The following LRP1B variants were observed in gnomAD, a reference collection of about 807,000 sequenced individuals.
The protein encoded by LRP1B is low-density lipoprotein receptor-related protein 1B.
A neutral mutation model predicts 556.6 loss-of-function variants in LRP1B; 217 were observed. The ratio of observed to expected loss-of-function variants is 0.39; its 90% CI spans 0.35 to 0.44. The LOEUF is 0.44. Among genes scored for constraint, LRP1B ranks in the 20% least tolerant of loss-of-function variants. The pLI is 1.00. For synonymous variants in LRP1B, 2,047 were observed against 1,865.8 expected, an observed-to-expected ratio of 1.10 and a Z score of -2.50; for missense variants, 5,053 against 5,620.8, an observed-to-expected ratio of 0.90 and a Z score of 3.23.
At chr2:140,600,252 T>C (rs1682600887) in intron 42 of LRP1B, among the ~76,000 whole-genome samples, 1 of 152,100 alleles carries the variant, frequency 6.6e-6, no homozygotes, top group Non-Finnish European at 1.5e-5. Context: ...ATTATTGTCC[T>C]GAGATTCTTC....
chr2:140,875,520 A>C (rs1323540585), intron 25 of LRP1B, among the ~76,000 whole-genome samples: 1 of 152,106 alleles, frequency 6.6e-6, no homozygotes, highest in South Asian at 2.1e-4. Flanking sequence ...GAAGGCCTTC[A>C]CCTCTTTTTT....
At chr2:140,901,166 T>C (rs1034511728) in intron 23 of LRP1B, among the ~76,000 whole-genome samples, 2 of 151,932 alleles carry the variant, frequency 1.3e-5, no homozygotes, top group African/African-American at 4.8e-5. Flanking sequence ...GGGCTCCAAG[T>C]GGGGAAGAAC....
At chr2:140,504,535 G>A (rs1022599627) in intron 53 of LRP1B, among the ~76,000 whole-genome samples, 4 of 152,090 alleles carry the variant, frequency 2.6e-5, no homozygotes, top group Non-Finnish European at 5.9e-5. Flanking sequence ...TTCTGATCTA[G>A]AATTAAATTA....
intron 7 of LRP1B, among the ~76,000 whole-genome samples, chr2:141,125,201 A>G (rs2105009830): frequency 6.6e-6 from 1 of 152,330 alleles, no homozygotes; most frequent in East Asian, 1.9e-4. Context: ...TTTTGAAGAA[A>G]CAGGATTAAA....
intron 1 of LRP1B, among the ~76,000 whole-genome samples, chr2:142,054,138 G>A (rs994611789): frequency 6.6e-6 from 1 of 152,010 alleles, no homozygotes; most frequent in Non-Finnish European, 1.5e-5. Context: ...TGAAATCTAA[G>A]TCATTATTAC....
chr2:142,003,980 A>ACTC (rs1218604676), intron 1 of LRP1B, among the ~76,000 whole-genome samples: 4 of 152,086 alleles, frequency 2.6e-5, no homozygotes, highest in Non-Finnish European at 5.9e-5. Context: ...TGCTACAAAG[A>ACTC]CTCCATGAAA....
intron 2 of LRP1B, among the ~76,000 whole-genome samples, chr2:141,688,330 G>A (rs1691388011): frequency 1.3e-5 from 2 of 151,690 alleles, no homozygotes; most frequent in South Asian, 2.1e-4. Context: ...CCAAACACTG[G>A]TCTAAGTACC....
chr2:140,581,944 G>A (rs995399092), intron 43 of LRP1B, among the ~76,000 whole-genome samples: 89 of 152,102 alleles, frequency 5.9e-4, no homozygotes, highest in Middle Eastern at 3.4e-3. Context: ...TATTGTTTCC[G>A]TGTATCCCCT....
At chr2:140,872,023 T>C (rs1693145398) in intron 25 of LRP1B, among the ~76,000 whole-genome samples, 1 of 150,410 alleles carries the variant, frequency 6.6e-6, no homozygotes, top group South Asian at 2.1e-4. Context: ...TGTGTGTGTG[T>C]GTGTGTTTGT....
chr2:141,591,605 T>C (rs888506597), intron 2 of LRP1B, among the ~76,000 whole-genome samples: 1 of 151,646 alleles, frequency 6.6e-6, no homozygotes, highest in African/African-American at 2.4e-5. Flanking sequence ...TGTGTGTGTG[T>C]GTGTCTGTGT....
chr2:141,902,760 C>T (rs1053998314), intron 1 of LRP1B, among the ~76,000 whole-genome samples: 9 of 151,834 alleles, frequency 5.9e-5, no homozygotes, highest in African/African-American at 2.2e-4. Flanking sequence ...ATAGAGATTA[C>T]AATATTTATT....
At chr2:141,283,097 A>C (rs1685569027) in intron 3 of LRP1B, among the ~76,000 whole-genome samples, 1 of 152,184 alleles carries the variant, frequency 6.6e-6, no homozygotes, top group Non-Finnish European at 1.5e-5. Flanking sequence ...GTTTATACAC[A>C]AGATACCTGA....
At chr2:140,766,646 G>GA (rs79949797) in intron 35 of LRP1B, among the ~76,000 whole-genome samples, 13 of 151,026 alleles carry the variant, frequency 8.6e-5, no homozygotes, top group African/African-American at 3.2e-4. Flanking sequence ...TGATGATGAT[G>GA]TTTATCCTCA....
intron 41 of LRP1B, among the ~76,000 whole-genome samples, chr2:140,635,197 T>A (rs1684029456): frequency 6.6e-6 from 1 of 152,080 alleles, no homozygotes; most frequent in Non-Finnish European, 1.5e-5. Flanking sequence ...TTCACTTTTC[T>A]CTCTGTAAAA....
intron 5 of LRP1B, among the ~76,000 whole-genome samples, chr2:141,243,701 G>A (rs1683964514): frequency 6.6e-6 from 1 of 152,058 alleles, no homozygotes; most frequent in Non-Finnish European, 1.5e-5. Context: ...ATAGTATCAA[G>A]TATTAAATTG....
chr2:141,027,231 C>G (rs1254300483), intron 11 of LRP1B, among the ~76,000 whole-genome samples: 2 of 152,080 alleles, frequency 1.3e-5, no homozygotes, highest in Admixed American at 6.6e-5. Flanking sequence ...CAAATTTTTT[C>G]AGATTTCTCC....
intron 2 of LRP1B, among the ~76,000 whole-genome samples, chr2:141,728,373 A>C (rs1409294207): frequency 6.6e-6 from 1 of 152,096 alleles, no homozygotes; most frequent in Non-Finnish European, 1.5e-5. Flanking sequence ...TCGCCCTCCA[A>C]CTGTGAGCCC....
intron 46 of LRP1B, among the ~76,000 whole-genome samples, chr2:140,534,719 T>C (rs1323267538): frequency 6.6e-6 from 1 of 152,178 alleles, no homozygotes; most frequent in Non-Finnish European, 1.5e-5. Flanking sequence ...TTCTCTGATT[T>C]GGGGCAGAAG....
chr2:142,055,444 T>C (rs997731751), intron 1 of LRP1B, among the ~76,000 whole-genome samples: 2 of 152,084 alleles, frequency 1.3e-5, no homozygotes, highest in African/African-American at 4.8e-5. Context: ...AAAAATGTAA[T>C]GGGAAGAAAT....
Sources: allele counts gnomAD v4.1 joint callset (sites outside exome capture counted in the v4.1 genomes callset), GRCh38; gene constraint gnomAD v4.1.1; transcripts MANE v1.5; gene names NCBI Gene and HGNC (gene_info 2026-07-23, HGNC 2026-07-21).